SLC31A2: variants seen among roughly 807,000 people sequenced by gnomAD.
The protein encoded by SLC31A2 is protein SLC31A2.
In SLC31A2, 16 loss-of-function variants were observed where a neutral mutation model predicts 14.4. The ratio of observed to expected loss-of-function variants is 1.11; its 90% CI spans 0.75 to 1.69. The LOEUF (loss-of-function observed/expected upper bound fraction) is 1.69, where lower values mean the gene tolerates loss of function less well. SLC31A2 is among the 40% of genes most tolerant of loss of function. The pLI, the probability that SLC31A2 is intolerant of heterozygous loss-of-function variation, is 0.00. For synonymous variants in SLC31A2, 56 were observed against 68.7 expected (o/e 0.82, Z 0.91); for missense variants, 140 against 173.9 (o/e 0.81, Z 1.10).
chr9:113,156,608 T>C (rs1829937154), intron 1 of SLC31A2, among the ~76,000 whole-genome samples: 1 of 152,174 alleles, frequency 6.6e-6, no homozygotes, highest in African/African-American at 2.4e-5. Flanking sequence ...TCAGCCAGGA[T>C]CTCCTTAGCT....
chr9:113,159,062 A>G (rs1211388924), intron 2 of SLC31A2, among the ~76,000 whole-genome samples: 1 of 152,190 alleles, frequency 6.6e-6, no homozygotes, highest in African/African-American at 2.4e-5. Context: ...AGAGGCTGAT[A>G]TATACATTGA....
intron 2 of SLC31A2, among the ~76,000 whole-genome samples, chr9:113,159,906 G>A (rs1829986087): frequency 6.6e-6 from 1 of 152,222 alleles, no homozygotes; most frequent in Non-Finnish European, 1.5e-5. Flanking sequence ...CAGGTGTGGT[G>A]GCTCATGCCT....
In SLC31A2 at chr9:113,164,117, G is replaced by GTAAA. The variant is rs1235780295; in HGVS notation, c.*1203_*1206dup. 7.2e-5 allele frequency: 11 copies of GTAAA among 152,616 alleles called. No homozygotes were observed. Among genetic ancestry groups the GTAAA allele is most frequent in the African/African-American group, 1.7e-4 (7 of 41,442 alleles). 9.5% of individuals were successfully genotyped at this position (152,616 alleles called of 1,614,324 possible). A position where few individuals can be genotyped will look rare whatever the true frequency, so the allele number is the denominator to read the frequency against. ...ATTAAAAACAAACAAATACATTTTA[G>GTAAA]TAAATATATATTTTTAAATAGTCTA... On this transcript the variant is annotated 3_prime_UTR_variant, in exon 4 of 4. Transcript: ENST00000259392.
chr9:113,151,153 C>T lies in SLC31A2; in HGVS notation c.6+73C>T, dbSNP rs1046099332. The stretch of plus-strand genomic sequence containing the variant: ...TCTCCTGGAGCTGCCATCTCGGCAC[C>T]CCGAATCCTCGCTGCCGCTGGCCCG... On this transcript the variant is annotated intron_variant, in intron 1 of 3. Coordinates refer to ENST00000259392, the MANE Select transcript of SLC31A2 (RefSeq NM_001860.3). This position sits in a 1 kb window ranked among gnomAD's most constrained non-coding sequence, Gnocchi z 4.2. 7.9e-7 allele frequency: 1 copy of T among 1,259,076 alleles called. No individual in the cohort carries two copies. The highest frequency in any genetic ancestry group is 1.0e-6 in the Non-Finnish European group (1 of 990,128). The allele number at this position is 1,259,076 out of a possible 1,614,324, so 78.0% of individuals were successfully genotyped here.
chr9:113,161,508 G>A lies in SLC31A2; in HGVS notation c.74-1G>A, dbSNP rs756784496. Reference sequence around the variant, plus strand: ...CTCCACAACTCTGCCTCCTTTGACAGGCATGGCCCTTTCGGTGTTGGTGCT... The same window carrying A: ...CTCCACAACTCTGCCTCCTTTGACAAGCATGGCCCTTTCGGTGTTGGTGCT... On this transcript the variant is annotated splice_acceptor_variant, in intron 2 of 3. Transcript: ENST00000259392. LOFTEE classifies it high-confidence loss of function. 3.7e-6 allele frequency: 6 copies of A among 1,613,896 alleles called. No homozygotes were observed. In the Admixed American group the frequency reaches 1.0e-4, roughly 27 times the overall value.
chr9:113,157,676 G>GT, intron 1 of SLC31A2, 51 bp from the exon 2 acceptor site: 2 of 1,472,508 alleles, frequency 1.4e-6, no homozygotes, highest in South Asian at 1.2e-5. Context: ...ATTAAGGACC[G>GT]TAACTTCCAC....
At chr9:113,158,338 C>A (rs538474331) in intron 2 of SLC31A2, among the ~76,000 whole-genome samples, 2 of 152,312 alleles carry the variant, frequency 1.3e-5, no homozygotes, top group South Asian at 4.1e-4. Context: ...GGAAACAGCC[C>A]AAATGCCCAT....
Position 113,151,478 on chromosome 9 carries a change from C to T in SLC31A2, c.6+398C>T, listed in dbSNP as rs928616988. On this transcript the variant is annotated intron_variant, in intron 1 of 3. Coordinates refer to ENST00000259392, the MANE Select transcript of SLC31A2 (RefSeq NM_001860.3). The surrounding 1 kb of genome is among the most constrained non-coding windows in gnomAD (Gnocchi z 4.2). ...AAGGCTTCCACGAAAGGGAAACCCC[C>T]GGCGCATTTCAGCCCGCAGCCCCGC... is the stretch of plus-strand genomic sequence containing the variant. 1.7e-4 allele frequency among the ~76,000 whole-genome samples: 26 copies of T among 152,062 alleles called. No individual in the cohort carries two copies. The highest frequency in any genetic ancestry group is 1.5e-3 in the Admixed American group (23 of 15,272).
At chr9:113,157,507 A>C (rs966523187) in intron 1 of SLC31A2, among the ~76,000 whole-genome samples, 34 of 152,132 alleles carry the variant, frequency 2.2e-4, no homozygotes, top group African/African-American at 7.5e-4. Context: ...CTCTATTCTC[A>C]TATGGAGCAT....
At chr9:113,161,943 T>C in intron 3 of SLC31A2, 1 of 610,326 alleles carries the variant, frequency 1.6e-6, no homozygotes, top group Non-Finnish European at 3.0e-6. Context: ...TAGGGAACAG[T>C]GATCTTCAGG....
rs773709375 is a variant in SLC31A2, at chr9:113,162,803, C to T, written c.318C>T (p.Ile106=). ...QSLIHVIQVV[I]GYFIMLAVMS... ...TAATCCATGTCATCCAGGTGGTCAT[C>T]GGCTACTTCATCATGCTGGCCGTAA... Residue 106 remains isoleucine (I), a synonymous_variant, in exon 4 of 4, where the codon ATC becomes ATT. Transcript: ENST00000259392. 154 of 1,613,656 alleles carry T rather than the reference C, an allele frequency of 9.5e-5. 2 individuals carry two copies. The Admixed American group carries it at 2.0e-3, about 21-fold the overall frequency.
intron 1 of SLC31A2, among the ~76,000 whole-genome samples, chr9:113,154,052 A>G (rs1043453630): frequency 2.6e-5 from 4 of 151,844 alleles, no homozygotes; most frequent in Non-Finnish European, 4.4e-5. Context: ...GCTCACTGCA[A>G]CCTCCACCTC....
intron 3 of SLC31A2, 78 bp from the exon 4 acceptor site, chr9:113,162,671 C>A: frequency 7.4e-7 from 1 of 1,353,474 alleles, no homozygotes; most frequent in South Asian, 1.3e-5. Context: ...CAACAGCTTT[C>A]TACTCCCTGA....
intron 2 of SLC31A2, chr9:113,158,136 G>A (rs1428297344): frequency 8.3e-6 from 4 of 483,654 alleles, no homozygotes; most frequent in Admixed American, 7.0e-5. Flanking sequence ...CAAGGCCTCC[G>A]GGTGTCACCT....
intron 2 of SLC31A2, chr9:113,158,079 C>T (rs769087937): frequency 1.9e-6 from 1 of 527,640 alleles, no homozygotes; most frequent in African/African-American, 1.9e-5. Flanking sequence ...GGAAGAGAGA[C>T]TCGTGCAGGG....
At chr9:113,158,940 T>C (rs1829969704) in intron 2 of SLC31A2, among the ~76,000 whole-genome samples, 1 of 152,054 alleles carries the variant, frequency 6.6e-6, no homozygotes, top group South Asian at 2.1e-4. Flanking sequence ...CTATCACAGA[T>C]ACGATGAAGC....
At chr9:113,161,260 G>C in intron 2 of SLC31A2, 1 of 504,738 alleles carries the variant, frequency 2.0e-6, no homozygotes, top group Non-Finnish European at 3.5e-6. Flanking sequence ...GAGTGGGTGG[G>C]GTAATGGTAC....
intron 2 of SLC31A2, chr9:113,158,023 C>T: frequency 1.6e-6 from 1 of 616,244 alleles, no homozygotes; most frequent in Non-Finnish European, 3.1e-6. Flanking sequence ...GGCAGGGAGG[C>T]AGCTTTTCCC....
chr9:113,155,664 G>A (rs1324019326), intron 1 of SLC31A2, among the ~76,000 whole-genome samples: 1 of 152,144 alleles, frequency 6.6e-6, no homozygotes, highest in Non-Finnish European at 1.5e-5. Flanking sequence ...TCTAATTCCA[G>A]TCTCTCTCAA....
Sources: gnomAD v4.1 joint callset for allele counts (sites outside exome capture counted in the v4.1 genomes callset) on GRCh38, gnomAD v4.1.1 for gene constraint, Gnocchi (gnomAD v3.1) non-coding constraint, MANE v1.5 for transcripts, NCBI Gene and HGNC (gene_info 2026-07-23, HGNC 2026-07-21) for gene names.